SPOCK3: variants seen among roughly 807,000 people sequenced by gnomAD.
The protein encoded by SPOCK3 is testican-3.
SPOCK3 carries 30 observed loss-of-function variants against 56.6 expected under a neutral mutation model. The observed-to-expected ratio is 0.53, with a 90% confidence interval of 0.40 to 0.72. The LOEUF (loss-of-function observed/expected upper bound fraction) is 0.72, where lower values mean the gene tolerates loss of function less well. Ranked by LOEUF, SPOCK3 falls within the 30% of genes least tolerant of loss-of-function variation. The pLI is 0.00. For synonymous variants in SPOCK3, 196 were observed against 183.3 expected, an observed-to-expected ratio of 1.07 and a Z score of -0.56; for missense variants, 527 against 530.0, an observed-to-expected ratio of 0.99 and a Z score of 0.06.
intron 4 of SPOCK3, among the ~76,000 whole-genome samples, chr4:166,991,977 T>C (rs1400210215): frequency 6.6e-6 from 1 of 152,042 alleles, no homozygotes; most frequent in Non-Finnish European, 1.5e-5. Flanking sequence ...GAACTAACCC[T>C]AATGTCCATC....
Position 166,742,013 on chromosome 4 carries a change from C to A in SPOCK3, c.978G>T (p.Gly326=). The part of the protein sequence containing the change: ...TELSNIQKRQ[G]VKKLLGQYIP... ...ATTACTCACCTAGGAGCTTCTTTACCCCTTGCCGCTTCTGAATATTGCTGA... is the reference window on the plus strand; with the variant it reads ...ATTACTCACCTAGGAGCTTCTTTACACCTTGCCGCTTCTGAATATTGCTGA... Residue 326 remains glycine, a synonymous_variant, in exon 9 of 11, where the codon GGG becomes GGT. Coordinates refer to ENST00000357545, the MANE Select transcript of SPOCK3 (RefSeq NM_001040159.2). The A allele has an allele frequency of 6.2e-7, 1 of 1,612,450 alleles. No homozygotes were observed. Among genetic ancestry groups the A allele is most frequent in the Non-Finnish European group, 8.5e-7 (1 of 1,178,900 alleles).
At chr4:166,939,448 A>C (rs772147558) in intron 4 of SPOCK3, among the ~76,000 whole-genome samples, 20 of 152,100 alleles carry the variant, frequency 1.3e-4, no homozygotes, top group Non-Finnish European at 2.6e-4. Flanking sequence ...CTTCTTATGA[A>C]GATAACAGTA....
chr4:167,106,764 TA>T (rs1298831237), intron 2 of SPOCK3, among the ~76,000 whole-genome samples: 14 of 144,672 alleles, frequency 9.7e-5, no homozygotes, highest in South Asian at 2.1e-4. Context: ...ACCAATGAAT[TA>T]AAAAAAAAGG....
At chr4:167,090,078 T>A (rs1441517757) in intron 2 of SPOCK3, among the ~76,000 whole-genome samples, 1 of 152,224 alleles carries the variant, frequency 6.6e-6, no homozygotes. Context: ...ACCAAAGTGC[T>A]ATGCATATTT....
At chr4:167,225,041 G>A (rs540177008) in intron 2 of SPOCK3, among the ~76,000 whole-genome samples, 1 of 152,186 alleles carries the variant, frequency 6.6e-6, no homozygotes, top group East Asian at 1.9e-4. Context: ...TATGAAAACA[G>A]AATACTGAAT....
intron 2 of SPOCK3, among the ~76,000 whole-genome samples, chr4:167,126,434 G>C (rs1349900392): frequency 6.6e-6 from 1 of 151,840 alleles, no homozygotes; most frequent in Non-Finnish European, 1.5e-5. Context: ...CTGAAATCCT[G>C]GCTACTTGGG....
At chr4:167,002,481 A>G (rs1264708449) in intron 3 of SPOCK3, among the ~76,000 whole-genome samples, 1 of 152,176 alleles carries the variant, frequency 6.6e-6, no homozygotes, top group Non-Finnish European at 1.5e-5. Context: ...AAATGCATCT[A>G]TTTGGAAGAT....
intron 8 of SPOCK3, among the ~76,000 whole-genome samples, chr4:166,743,680 G>A (rs1287189705): frequency 2.0e-5 from 3 of 152,222 alleles, no homozygotes; most frequent in African/African-American, 7.2e-5. Flanking sequence ...GAAGTGCAAT[G>A]GGTTGGGGAA....
At chr4:166,767,374 T>A (rs200113129) in intron 7 of SPOCK3, among the ~76,000 whole-genome samples, 2 of 151,736 alleles carry the variant, frequency 1.3e-5, no homozygotes, top group Non-Finnish European at 2.9e-5. Flanking sequence ...GTCCCAGAGA[T>A]TCTGGTATGT....
chr4:166,927,793 A>G (rs2149990222), intron 4 of SPOCK3, among the ~76,000 whole-genome samples: 1 of 152,278 alleles, frequency 6.6e-6, no homozygotes, highest in East Asian at 1.9e-4. Context: ...ATGAGGAGAC[A>G]AGCCAGAGAC....
chr4:167,058,679 G>A (rs1464352011), intron 3 of SPOCK3, among the ~76,000 whole-genome samples: 3 of 152,044 alleles, frequency 2.0e-5, no homozygotes, highest in Non-Finnish European at 2.9e-5. Flanking sequence ...CCAAAAAAGA[G>A]CCCGCATCGC....
At chr4:167,052,299 C>A (rs549771678) in intron 3 of SPOCK3, among the ~76,000 whole-genome samples, 2 of 152,254 alleles carry the variant, frequency 1.3e-5, no homozygotes, top group South Asian at 4.1e-4. Flanking sequence ...AATAAATGAG[C>A]ATTTACTGTT....
intron 6 of SPOCK3, among the ~76,000 whole-genome samples, chr4:166,834,843 G>A (rs1276177032): frequency 6.6e-6 from 1 of 151,676 alleles, no homozygotes; most frequent in African/African-American, 2.4e-5. Context: ...CTTTTAATTA[G>A]AAAAATTTGA....
intron 3 of SPOCK3, 43 bp downstream of exon 3, chr4:167,062,449 T>C: frequency 2.1e-6 from 3 of 1,424,882 alleles, no homozygotes; most frequent in Non-Finnish European, 3.0e-6. Flanking sequence ...ACAATGATTA[T>C]GAACATGTAA....
intron 6 of SPOCK3, among the ~76,000 whole-genome samples, chr4:166,843,308 A>G (rs1579394791): frequency 1.3e-5 from 2 of 152,226 alleles, no homozygotes; most frequent in African/African-American, 4.8e-5. Context: ...AGGCGCTGAG[A>G]GCGAGCGACG....
At chr4:167,196,148 AT>A (rs1732929371) in intron 2 of SPOCK3, among the ~76,000 whole-genome samples, 1 of 152,188 alleles carries the variant, frequency 6.6e-6, no homozygotes, top group South Asian at 2.1e-4. Context: ...TTTGCAACCA[AT>A]TTGTATTCAT....
intron 2 of SPOCK3, among the ~76,000 whole-genome samples, chr4:167,138,941 T>A (rs2150395256): frequency 6.6e-6 from 1 of 152,116 alleles, no homozygotes; most frequent in South Asian, 2.1e-4. Context: ...ATATGATTTA[T>A]CATTAAAGTA....
At chr4:167,002,139 A>G (rs1227279361) in intron 3 of SPOCK3, among the ~76,000 whole-genome samples, 1 of 151,892 alleles carries the variant, frequency 6.6e-6, no homozygotes, top group Non-Finnish European at 1.5e-5. Flanking sequence ...TTGTATTTTT[A>G]GTAGAGACGG....
Position 167,233,939 on chromosome 4 carries a change from G to C in SPOCK3, c.189+46C>G, listed in dbSNP as rs201271870. ...TCCGGCGGCCGCGGCCCCCGCCTCG[G>C]AGCAGCGCGCGCGTGTGCCCGGGGA... On this transcript the variant is annotated intron_variant, in intron 2 of 10. Transcript: ENST00000357545. The C allele has an allele frequency of 8.2e-5, 128 of 1,564,064 alleles. No homozygotes were observed. The East Asian group carries it at 2.5e-3, about 30-fold the overall frequency.
Sources: allele counts gnomAD v4.1 joint callset (sites outside exome capture counted in the v4.1 genomes callset), GRCh38; gene constraint gnomAD v4.1.1; transcripts MANE v1.5; gene names NCBI Gene and HGNC (gene_info 2026-07-23, HGNC 2026-07-21).